Variants in TAFA4 observed in about 807,000 individuals in gnomAD.
TAFA4 encodes TAFA chemokine like family member 4.
In TAFA4, 20 loss-of-function variants were observed where a neutral mutation model predicts 21.1. That is an observed-to-expected ratio of 0.95 (90% confidence interval 0.67 to 1.38). The LOEUF (loss-of-function observed/expected upper bound fraction) is 1.38, where lower values mean the gene tolerates loss of function less well. TAFA4 is among the 40% of genes most tolerant of loss of function. The pLI, the probability that TAFA4 is intolerant of heterozygous loss-of-function variation, is 0.00. For missense variants in TAFA4, 211 were observed against 180.9 expected, an observed-to-expected ratio of 1.17 and a Z score of -0.95; for synonymous variants, 71 against 67.4, an observed-to-expected ratio of 1.05 and a Z score of -0.26.
intron 1 of TAFA4, among the ~76,000 whole-genome samples, chr3:68,903,883 G>T (rs1418126533): frequency 1.3e-5 from 2 of 152,070 alleles, no homozygotes; most frequent in African/African-American, 2.4e-5. Flanking sequence ...CCTTTGATGC[G>T]CAATATCACA....
intron 5 of TAFA4, among the ~76,000 whole-genome samples, chr3:68,737,204 C>CCA (rs1702258159): frequency 6.6e-6 from 1 of 151,954 alleles, no homozygotes; most frequent in East Asian, 1.9e-4. Context: ...GATGTAATAC[C>CCA]CTAATTCGTG....
chr3:68,861,030 A>ACCCCCCCC (rs113804738), intron 3 of TAFA4, among the ~76,000 whole-genome samples: 130 of 110,974 alleles, frequency 1.2e-3, no homozygotes, highest in Non-Finnish European at 1.6e-3. Context: ...TTAAATATGC[A>ACCCCCCCC]CCCCCCCCCC....
chr3:68,845,921 G>A (rs558832318), intron 3 of TAFA4, among the ~76,000 whole-genome samples: 197 of 152,254 alleles, frequency 1.3e-3, no homozygotes, highest in African/African-American at 4.4e-3. Context: ...TGGGTAACCC[G>A]ACCTTTCTCT....
chr3:68,907,714 G>A (rs1034471368), intron 1 of TAFA4, among the ~76,000 whole-genome samples: 17 of 152,156 alleles, frequency 1.1e-4, no homozygotes, highest in Non-Finnish European at 2.4e-4. Context: ...GAGGCTCCTG[G>A]CCCTGATGAA....
chr3:68,904,482 A>G (rs543599095), intron 1 of TAFA4, among the ~76,000 whole-genome samples: 1 of 152,392 alleles, frequency 6.6e-6, no homozygotes, highest in Non-Finnish European at 1.5e-5. Context: ...GGCAAATAAT[A>G]GTAAAGAGGT....
At chr3:68,866,918 C>T (rs913492783) in intron 3 of TAFA4, among the ~76,000 whole-genome samples, 1 of 151,898 alleles carries the variant, frequency 6.6e-6, no homozygotes, top group African/African-American at 2.4e-5. Context: ...AGGACACCTA[C>T]AGAATATGAG....
intron 3 of TAFA4, among the ~76,000 whole-genome samples, chr3:68,754,370 A>C (rs1000516780): frequency 6.6e-6 from 1 of 152,146 alleles, no homozygotes; most frequent in Admixed American, 6.5e-5. Flanking sequence ...ACTCCTCCTC[A>C]GTCTTTCTTT....
intron 1 of TAFA4, among the ~76,000 whole-genome samples, chr3:68,930,308 G>C (rs897444043): frequency 6.6e-6 from 1 of 152,140 alleles, no homozygotes; most frequent in African/African-American, 2.4e-5. Flanking sequence ...ATATTTGTAG[G>C]GGTTTTTGTA....
chr3:68,918,729 C>T (rs1174302397), intron 1 of TAFA4, among the ~76,000 whole-genome samples: 1 of 152,092 alleles, frequency 6.6e-6, no homozygotes, highest in Non-Finnish European at 1.5e-5. Context: ...TTTGTACAGA[C>T]ATGGTTTCAC....
At chr3:68,815,084 A>G (rs530314826) in intron 3 of TAFA4, among the ~76,000 whole-genome samples, 101 of 152,334 alleles carry the variant, frequency 6.6e-4, no homozygotes, top group African/African-American at 2.4e-3. Flanking sequence ...TATTTAATAA[A>G]TGGTGCTGGG....
In TAFA4 at chr3:68,906,098, G is replaced by A. The variant is rs577957408; in HGVS notation, c.-122-20788C>T. Among the ~76,000 whole-genome samples the A allele has an allele frequency of 6.8e-4, 104 of 152,326 alleles. 1 individual carries two copies. In the South Asian group the frequency reaches 0.021, roughly 31 times the overall value. On this transcript the variant is annotated intron_variant, in intron 1 of 5. Transcript: ENST00000295569. ...AAGTGGGAATGCATAGACATGAAGT[G>A]AAATAATGTTGTATGTACACAGCAG... is the stretch of plus-strand genomic sequence containing the variant.
intron 5 of TAFA4, among the ~76,000 whole-genome samples, chr3:68,734,594 AAGAG>A (rs1185241134): frequency 7.9e-5 from 12 of 152,136 alleles, no homozygotes; most frequent in Non-Finnish European, 1.5e-4. Context: ...ACAAAGATGT[AAGAG>A]AAAGAGGAAT....
chr3:68,853,501 A>G (rs1704997270), intron 3 of TAFA4, among the ~76,000 whole-genome samples: 1 of 152,076 alleles, frequency 6.6e-6, no homozygotes, highest in Non-Finnish European at 1.5e-5. Flanking sequence ...TCTTTTGAAG[A>G]AGGTCTGGGA....
chr3:68,919,538 G>C (rs1575673751), intron 1 of TAFA4, among the ~76,000 whole-genome samples: 1 of 152,054 alleles, frequency 6.6e-6, no homozygotes, highest in African/African-American at 2.4e-5. Context: ...GTCCGATCGG[G>C]CAGCCACTAC....
chr3:68,930,881 T>C lies in TAFA4; in HGVS notation c.-123+1359A>G, dbSNP rs544906592. ...CTCAGTGACTGAGTGGTAACACTAA[T>C]TATATTGCAAAATGGCTGTTCCTAA... On this transcript the variant is annotated intron_variant, in intron 1 of 5. Transcript: ENST00000295569. Among the ~76,000 whole-genome samples, 4 of 152,326 alleles carry C rather than the reference T, an allele frequency of 2.6e-5. No individual in the cohort carries two copies. In the East Asian group the frequency reaches 7.7e-4, roughly 29 times the overall value.
intron 3 of TAFA4, among the ~76,000 whole-genome samples, chr3:68,753,830 GC>G (rs1306258956): frequency 6.6e-6 from 1 of 152,202 alleles, no homozygotes; most frequent in Non-Finnish European, 1.5e-5. Context: ...ACCAGAGTGA[GC>G]CTGGATGCTG....
rs376473104 is a variant in TAFA4, at chr3:68,739,034, T to C, written c.411+41A>G. 7 of 1,608,904 alleles carry C rather than the reference T, an allele frequency of 4.4e-6. No individual in the cohort carries two copies. In the African/African-American group the frequency reaches 6.7e-5, roughly 15 times the overall value. ...AATCAAGGGGAGAAAGCCCCACAGT[T>C]GATAACTTGTAAATTGTAGTTGCAT... On this transcript the variant is annotated intron_variant, in intron 5 of 5. Coordinates refer to ENST00000295569, the MANE Select transcript of TAFA4 (RefSeq NM_182522.5).
At chr3:68,880,029 A>G (rs1043798157) in intron 3 of TAFA4, among the ~76,000 whole-genome samples, 4 of 150,054 alleles carry the variant, frequency 2.7e-5, no homozygotes, top group Non-Finnish European at 5.9e-5. Flanking sequence ...GTCACTTTAA[A>G]TGTTGATGTA....
At chr3:68,925,317 G>A (rs1559565395) in intron 1 of TAFA4, among the ~76,000 whole-genome samples, 1 of 152,228 alleles carries the variant, frequency 6.6e-6, no homozygotes, top group Non-Finnish European at 1.5e-5. Flanking sequence ...TGAAGGCAGA[G>A]AAAAGGTAAT....
Sources: allele counts gnomAD v4.1 joint callset (sites outside exome capture counted in the v4.1 genomes callset), GRCh38; gene constraint gnomAD v4.1.1; transcripts MANE v1.5; gene names NCBI Gene and HGNC (gene_info 2026-07-23, HGNC 2026-07-21).